CHEK2: variants seen among roughly 807,000 people sequenced by gnomAD.
CHEK2 encodes the protein serine/threonine-protein kinase Chk2.
Under a neutral mutation model 69.1 loss-of-function variants are expected in CHEK2, and 71 were observed. That is an observed-to-expected ratio of 1.03 (90% confidence interval 0.85 to 1.25). The LOEUF (loss-of-function observed/expected upper bound fraction) is 1.25. CHEK2 is among the 50% of genes most tolerant of loss of function. CHEK2 has a pLI of 0.00. For missense variants in CHEK2, 664 were observed against 649.6 expected, an observed-to-expected ratio of 1.02 and a Z score of -0.24; for synonymous variants, 189 against 226.9, an observed-to-expected ratio of 0.83 and a Z score of 1.50.
At chr22:28,706,329 C>G (rs535180560) in intron 7 of CHEK2, among the ~76,000 whole-genome samples, 1 of 146,460 alleles carries the variant, frequency 6.8e-6, no homozygotes, top group East Asian at 2.1e-4. Context: ...CACACACACA[C>G]AAAGGGACAG....
At chr22:28,720,779 T>TG in intron 4 of CHEK2, among the ~76,000 whole-genome samples, 1 of 152,326 alleles carries the variant, frequency 6.6e-6, no homozygotes, top group Admixed American at 6.5e-5. Flanking sequence ...TTCATAACGC[T>TG]GTATGTTCCA....
chr22:28,722,771 T>C (rs965085262), intron 4 of CHEK2, among the ~76,000 whole-genome samples: 8 of 152,024 alleles, frequency 5.3e-5, no homozygotes, highest in Admixed American at 6.6e-5. Context: ...AGTGGCTATT[T>C]ACAGGCACAA....
chr22:28,717,905 T>C (rs1173952272), intron 5 of CHEK2, among the ~76,000 whole-genome samples: 1 of 151,260 alleles, frequency 6.6e-6, no homozygotes, highest in Non-Finnish European at 1.5e-5. Context: ...CAAAACTCCA[T>C]CTCAAAAAAA....
chr22:28,709,287 TG>T (rs2053298305), intron 7 of CHEK2, among the ~76,000 whole-genome samples: 1 of 152,142 alleles, frequency 6.6e-6, no homozygotes, highest in South Asian at 2.1e-4. Context: ...TGGATACCCT[TG>T]GATTTATTTG....
chr22:28,700,975 G>C (rs2052819727), intron 8 of CHEK2, among the ~76,000 whole-genome samples: 1 of 151,980 alleles, frequency 6.6e-6, no homozygotes, highest in Admixed American at 6.6e-5. Flanking sequence ...TTTTAGTAGA[G>C]ATGCGGTTTC....
chr22:28,732,872 A>C (rs1396960140), intron 2 of CHEK2, among the ~76,000 whole-genome samples: 1 of 151,790 alleles, frequency 6.6e-6, no homozygotes, highest in African/African-American at 2.4e-5. Flanking sequence ...GCTCATTGCA[A>C]CCTCTGCCTC....
chr22:28,728,413 A>G (rs1361955772), intron 2 of CHEK2, among the ~76,000 whole-genome samples: 4 of 152,160 alleles, frequency 2.6e-5, no homozygotes, highest in African/African-American at 7.2e-5. Flanking sequence ...GAATATACCC[A>G]TAAGAAGTGA....
intron 8 of CHEK2, among the ~76,000 whole-genome samples, chr22:28,701,660 G>C (rs2052853277): frequency 1.3e-5 from 2 of 152,186 alleles, no homozygotes; most frequent in East Asian, 1.9e-4. Flanking sequence ...TTCCAGAAAT[G>C]AGACAGGAAG....
intron 8 of CHEK2, among the ~76,000 whole-genome samples, chr22:28,702,366 G>A (rs2145865202): frequency 6.6e-6 from 1 of 151,166 alleles, no homozygotes; most frequent in Admixed American, 6.6e-5. Context: ...AGCCTCCCGA[G>A]TAGCTGGGAC....
chr22:28,688,649 AC>A (rs2052220381), intron 14 of CHEK2, among the ~76,000 whole-genome samples: 1 of 152,004 alleles, frequency 6.6e-6, no homozygotes, highest in African/African-American at 2.4e-5. Flanking sequence ...GGCCTGAGTG[AC>A]AAACCAAGAC....
At position 28,699,908 on chromosome 22, in the gene CHEK2, A is replaced by C. The variant is rs1039682955; in HGVS notation, c.938T>G (p.Val313Gly). 6.2e-7 allele frequency: 1 copy of C among 1,613,966 alleles called. No individual in the cohort carries two copies. The highest frequency in any genetic ancestry group is 8.5e-7 in the Non-Finnish European group (1 of 1,179,930). ...TTCTTTCAGGCGTTTATTCCCCACC[A>C]CTTTGTCAAACAGCTCTCCCCCTTC... ...LMEGGELFDK[V>G]VGNKRLKEAT... Residue 313 changes from valine (V) to glycine (G), a missense_variant, in exon 9 of 15, where the codon GTG (valine) becomes GGG (glycine). Val to Gly is a moderately radical substitution (Grantham distance 109). Transcript: ENST00000404276.
chr22:28,719,357 G>A, intron 5 of CHEK2, 38 bp downstream of exon 5: 1 of 1,183,472 alleles, frequency 8.4e-7, no homozygotes, highest in Non-Finnish European at 1.2e-6. Flanking sequence ...AATGTATAGT[G>A]AAAAAATTAA....
chr22:28,727,240 G>A (rs186454352), intron 2 of CHEK2, among the ~76,000 whole-genome samples: 31 of 152,016 alleles, frequency 2.0e-4, no homozygotes, highest in African/African-American at 6.0e-4. Flanking sequence ...ACGGGGTTTC[G>A]CCATGTTAGA....
chr22:28,696,594 G>C (rs183802979), intron 10 of CHEK2, among the ~76,000 whole-genome samples: 1 of 151,946 alleles, frequency 6.6e-6, no homozygotes, highest in South Asian at 2.1e-4. Context: ...CCTGACCTCA[G>C]GTGATCTGCC....
intron 1 of CHEK2, 100 bp downstream of exon 1, chr22:28,741,669 C>G (rs2054559538): frequency 5.0e-6 from 1 of 201,202 alleles, no homozygotes; most frequent in Non-Finnish European, 1.0e-5. Flanking sequence ...CAGCTCAAAA[C>G]TACAGACAAA....
intron 8 of CHEK2, among the ~76,000 whole-genome samples, chr22:28,701,550 A>C (rs2052848286): frequency 6.6e-6 from 1 of 152,196 alleles, no homozygotes; most frequent in South Asian, 2.1e-4. Flanking sequence ...CTGCATAGAT[A>C]CGATTTGCCA....
At chr22:28,718,277 C>T (rs946148442) in intron 5 of CHEK2, among the ~76,000 whole-genome samples, 1 of 151,972 alleles carries the variant, frequency 6.6e-6, no homozygotes, top group African/African-American at 2.4e-5. Flanking sequence ...TGAATAATAA[C>T]AAATGTTGGA....
At position 28,730,024 on chromosome 22, in the gene CHEK2, T is replaced by C. The variant is rs1475919324; in HGVS notation, c.319+4379A>G. On this transcript the variant is annotated intron_variant, in intron 2 of 14. Coordinates refer to ENST00000404276, the MANE Select transcript of CHEK2 (RefSeq NM_007194.4). ...CCGGCTAATTTTGTTTTTGTATTTT[T>C]AGTAGAGACGGGGTTTCACCATGTT... is the stretch of plus-strand genomic sequence containing the variant. 7.3e-5 allele frequency among the ~76,000 whole-genome samples: 11 copies of C among 151,120 alleles called. No individual in the cohort carries two copies. In the Admixed American group the frequency reaches 7.3e-4, roughly 10 times the overall value.
At chr22:28,689,390 G>A (rs554654938) in intron 13 of CHEK2, 175 bp from the exon 14 acceptor site, 17 of 669,620 alleles carry the variant, frequency 2.5e-5, no homozygotes, top group Non-Finnish European at 4.4e-5. Flanking sequence ...TACCTTCCCA[G>A]AGGAGTCTAA....
Sources: allele counts gnomAD v4.1 joint callset (sites outside exome capture counted in the v4.1 genomes callset), GRCh38; gene constraint gnomAD v4.1.1; transcripts MANE v1.5; gene names NCBI Gene and HGNC (gene_info 2026-07-23, HGNC 2026-07-21).